The following JAZF1 variants were observed in gnomAD, a reference collection of about 807,000 sequenced individuals.
The protein encoded by JAZF1 is JAZF zinc finger 1.
In JAZF1, 8 loss-of-function variants were observed where a neutral mutation model predicts 26.4. The ratio of observed to expected loss-of-function variants is 0.30; its 90% CI spans 0.18 to 0.55. The LOEUF is 0.55. Among genes scored for constraint, JAZF1 ranks in the 20% least tolerant of loss-of-function variants. JAZF1 has a pLI of 0.94. For synonymous variants in JAZF1, 126 were observed against 122.3 expected (o/e 1.03, Z -0.20); for missense variants, 199 against 322.0 (o/e 0.62, Z 2.92).
intron 2 of JAZF1, among the ~76,000 whole-genome samples, chr7:27,939,363 C>T (rs1261432787): frequency 1.3e-5 from 2 of 152,214 alleles, no homozygotes; most frequent in Admixed American, 1.3e-4. Context: ...GGCTGAGAAG[C>T]AGCACTGTGG....
At chr7:28,023,953 T>C (rs1473814772) in intron 1 of JAZF1, among the ~76,000 whole-genome samples, 3 of 152,036 alleles carry the variant, frequency 2.0e-5, no homozygotes, top group Non-Finnish European at 4.4e-5. Flanking sequence ...AACATTTAAG[T>C]TTAAGGAAGA....
At chr7:27,894,734 A>G (rs1170858231) in intron 3 of JAZF1, among the ~76,000 whole-genome samples, 1 of 152,214 alleles carries the variant, frequency 6.6e-6, no homozygotes, top group East Asian at 1.9e-4. Context: ...AAAGCTGGAG[A>G]AGACAAGGAC....
chr7:27,922,174 CAG>C (rs564364183), intron 2 of JAZF1, among the ~76,000 whole-genome samples: 5 of 152,156 alleles, frequency 3.3e-5, no homozygotes, highest in East Asian at 1.9e-4. Context: ...TGAAGACAAA[CAG>C]AACAAATAAA....
chr7:27,977,452 A>G (rs1785497906), intron 2 of JAZF1, among the ~76,000 whole-genome samples: 1 of 152,148 alleles, frequency 6.6e-6, no homozygotes, highest in Non-Finnish European at 1.5e-5. Context: ...CCTAGAGCAA[A>G]GTCCTTATTT....
intron 1 of JAZF1, among the ~76,000 whole-genome samples, chr7:28,114,214 C>T (rs1784705253): frequency 1.3e-5 from 2 of 152,162 alleles, no homozygotes; most frequent in Non-Finnish European, 2.9e-5. Context: ...TGGAGCTGGC[C>T]ATGCTCCACT....
At chr7:28,090,885 G>A (rs1389711293) in intron 1 of JAZF1, among the ~76,000 whole-genome samples, 4 of 141,776 alleles carry the variant, frequency 2.8e-5, no homozygotes, top group Non-Finnish European at 4.5e-5. Context: ...GGACTGCAGT[G>A]GCGCGATCTC....
intron 1 of JAZF1, among the ~76,000 whole-genome samples, chr7:28,120,571 G>A (rs938497950): frequency 1.4e-5 from 2 of 139,900 alleles, no homozygotes; most frequent in East Asian, 2.2e-4. Context: ...GCAATGGCGC[G>A]ATCTTGGCTC....
At chr7:27,857,544 G>A (rs1235739407) in intron 3 of JAZF1, among the ~76,000 whole-genome samples, 4 of 152,238 alleles carry the variant, frequency 2.6e-5, no homozygotes, top group African/African-American at 9.6e-5. Context: ...CTAGGGCTGC[G>A]AGGGCTGCCA....
intron 1 of JAZF1, among the ~76,000 whole-genome samples, chr7:27,997,527 A>G (rs1026833616): frequency 6.6e-6 from 1 of 152,152 alleles, no homozygotes; most frequent in East Asian, 1.9e-4. Flanking sequence ...AGCTCCATCC[A>G]TGCTTCCATC....
At chr7:28,004,037 C>T (rs932732069) in intron 1 of JAZF1, among the ~76,000 whole-genome samples, 1 of 152,116 alleles carries the variant, frequency 6.6e-6, no homozygotes, top group African/African-American at 2.4e-5. Context: ...ACAAAAAGGT[C>T]TCAGCTCTCA....
At chr7:27,961,453 G>A (rs1785183639) in intron 2 of JAZF1, among the ~76,000 whole-genome samples, 2 of 152,220 alleles carry the variant, frequency 1.3e-5, no homozygotes, top group African/African-American at 4.8e-5. Flanking sequence ...TGGCACAGGC[G>A]ATGACTCAGA....
chr7:27,940,333 C>G (rs1040934046), intron 2 of JAZF1, among the ~76,000 whole-genome samples: 1 of 152,182 alleles, frequency 6.6e-6, no homozygotes, highest in Non-Finnish European at 1.5e-5. Flanking sequence ...CCGTGATCAG[C>G]CTTACCCTGG....
intron 1 of JAZF1, among the ~76,000 whole-genome samples, chr7:28,100,656 C>T (rs2127927068): frequency 6.6e-6 from 1 of 152,290 alleles, no homozygotes; most frequent in Middle Eastern, 3.4e-3. Context: ...GAAGTGCCTT[C>T]ACATTCTGAT....
At chr7:27,992,304 G>A (rs1196276366) in intron 1 of JAZF1, 9 of 448,750 alleles carry the variant, frequency 2.0e-5, no homozygotes, top group Middle Eastern at 4.1e-4. Flanking sequence ...GTGGTTCATC[G>A]GCCTAAGAAA....
intron 2 of JAZF1, among the ~76,000 whole-genome samples, chr7:27,906,533 T>A (rs2128344140): frequency 6.6e-6 from 1 of 152,360 alleles, no homozygotes; most frequent in Non-Finnish European, 1.5e-5. Flanking sequence ...ATATAGTCAA[T>A]CTACCTTAAT....
chr7:27,955,944 CCTT>C (rs1394128497), intron 2 of JAZF1, among the ~76,000 whole-genome samples: 1 of 152,172 alleles, frequency 6.6e-6, no homozygotes, highest in Non-Finnish European at 1.5e-5. Flanking sequence ...ACCACAGACT[CCTT>C]CTTTGGAAGA....
At chr7:28,038,276 G>C (rs1463113295) in intron 1 of JAZF1, among the ~76,000 whole-genome samples, 1 of 152,174 alleles carries the variant, frequency 6.6e-6, no homozygotes, top group African/African-American at 2.4e-5. Flanking sequence ...TGGGATGGGG[G>C]AATGATTGTG....
At chr7:27,852,938 A>AT (rs1012943555) in intron 3 of JAZF1, among the ~76,000 whole-genome samples, 1 of 152,136 alleles carries the variant, frequency 6.6e-6, no homozygotes, top group African/African-American at 2.4e-5. Context: ...CCCCATTACT[A>AT]TTTTTTAATT....
At chr7:27,938,009 C>A (rs1357909422) in intron 2 of JAZF1, among the ~76,000 whole-genome samples, 1 of 152,188 alleles carries the variant, frequency 6.6e-6, no homozygotes, top group African/African-American at 2.4e-5. Flanking sequence ...ACATATAGAT[C>A]TACCTCATGG....
Sources: gnomAD v4.1 joint callset for allele counts (sites outside exome capture counted in the v4.1 genomes callset) on GRCh38, gnomAD v4.1.1 for gene constraint, MANE v1.5 for transcripts, NCBI Gene and HGNC (gene_info 2026-07-23, HGNC 2026-07-21) for gene names.